Variants in SF3A1 observed in about 807,000 individuals in gnomAD.
SF3A1 encodes the protein SAP 114.
A neutral mutation model predicts 89.9 loss-of-function variants in SF3A1; 13 were observed. The observed-to-expected ratio is 0.14, with a 90% CI of 0.09 to 0.23. The LOEUF is 0.23. Among genes scored for constraint, SF3A1 ranks in the 10% least tolerant of loss-of-function variants. SF3A1 has a pLI of 1.00. For synonymous variants in SF3A1, 405 were observed against 374.4 expected, an observed-to-expected ratio of 1.08 and a Z score of -0.94; for missense variants, 604 against 1,022.1, an observed-to-expected ratio of 0.59 and a Z score of 5.58.
intron 2 of SF3A1, among the ~76,000 whole-genome samples, chr22:30,349,401 C>T (rs1367943258): frequency 6.6e-6 from 1 of 152,248 alleles, no homozygotes; most frequent in Non-Finnish European, 1.5e-5. Flanking sequence ...CTGCCTCAGC[C>T]TCCCAAGTAG....
chr22:30,347,798 ACACCAGTTTC>A (rs1931464312), intron 2 of SF3A1, among the ~76,000 whole-genome samples: 2 of 152,208 alleles, frequency 1.3e-5, no homozygotes, highest in Admixed American at 1.3e-4. Flanking sequence ...AATGCAGCTA[ACACCAGTTTC>A]CCTTTCTACC....
chr22:30,346,420 G>A lies in SF3A1; in HGVS notation c.285C>T (p.Arg95=), dbSNP rs1931422158. 1.2e-6 allele frequency: 2 copies of A among 1,613,992 alleles called. No individual in the cohort carries two copies. The highest frequency in any genetic ancestry group is 2.7e-5 in the African/African-American group (2 of 74,892). The change falls in exon 3 of 16, where the codon CGC becomes CGT. Residue 95 remains arginine, a synonymous_variant. Coordinates refer to ENST00000215793, the MANE Select transcript of SF3A1 (RefSeq NM_005877.6). The part of the protein sequence containing the change: ...NPNDPYHAYY[R]HKVSEFKEGK... The stretch of plus-strand genomic sequence containing the variant: ...CTTCCTTGAACTCGCTGACCTTGTG[G>A]CGGTAGTAGGCATGGTAAGGGTCAT...
Position 30,337,789 on chromosome 22 carries a change from G to T in SF3A1, c.1852C>A (p.Pro618Thr). ...LPPGSVIAPM[P>T]PIIHAPRINV... ...ATTCTGGGCGCGTGGATGATGGGCGGCATGGGGGCGATCACTGAGCCTGGG... is the reference window on the plus strand; with the variant it reads ...ATTCTGGGCGCGTGGATGATGGGCGTCATGGGGGCGATCACTGAGCCTGGG... The change falls in exon 12 of 16, where the codon CCG becomes ACG. Residue 618 changes from proline (P) to threonine (T), a missense_variant. Pro to Thr is a conservative substitution (Grantham distance 38). This residue lies in a region of SF3A1 where 85 missense variants were observed against 137.3 expected (regional missense o/e 0.62). Transcript: ENST00000215793. 1 of 1,598,386 alleles carries T rather than the reference G, an allele frequency of 6.3e-7. No homozygotes were observed. The highest frequency in any genetic ancestry group is 8.5e-7 in the Non-Finnish European group (1 of 1,173,446).
At chr22:30,336,418 C>T (rs1170738997) in intron 13 of SF3A1, among the ~76,000 whole-genome samples, 1 of 152,084 alleles carries the variant, frequency 6.6e-6, no homozygotes, top group East Asian at 1.9e-4. Context: ...CCAGCTACTC[C>T]GGAGGTTGAG....
At chr22:30,350,706 G>C (rs557773174) in intron 2 of SF3A1, among the ~76,000 whole-genome samples, 6 of 152,284 alleles carry the variant, frequency 3.9e-5, no homozygotes, top group African/African-American at 1.2e-4. Flanking sequence ...GAAGGAAACA[G>C]AAAAATGTGA....
At chr22:30,335,334 C>T (rs1931031665) in intron 15 of SF3A1, 133 bp downstream of exon 15, 2 of 795,488 alleles carry the variant, frequency 2.5e-6, no homozygotes, top group East Asian at 4.9e-5. Flanking sequence ...AGCATCATGA[C>T]TTCTAGGATG....
At chr22:30,346,289 GA>G (rs1282135121) in intron 3 of SF3A1, 22 bp downstream of exon 3, 1 of 1,498,892 alleles carries the variant, frequency 6.7e-7, no homozygotes, top group Non-Finnish European at 9.3e-7. Flanking sequence ...CTGCGTAAGT[GA>G]AGGGGGCACT....
rs1228667000 is a variant in SF3A1 at position 30,356,796 on chromosome 22, T to C, written c.-4A>G. 1 of 1,400,000 alleles carries C rather than the reference T, an allele frequency of 7.1e-7. No individual in the cohort carries two copies. The allele number at this position is 1,400,000 out of a possible 1,614,324, so 86.7% of individuals were successfully genotyped here. On this transcript the variant is annotated 5_prime_UTR_variant, in exon 1 of 16. Coordinates refer to ENST00000215793, the MANE Select transcript of SF3A1 (RefSeq NM_005877.6). Reference sequence around the variant, plus strand: ...CCTGCACGGGTCCGGCCGGCATGACTGCGACGCTCAGGGCTGCCAGTCCGC... The same window carrying C: ...CCTGCACGGGTCCGGCCGGCATGACCGCGACGCTCAGGGCTGCCAGTCCGC...
At position 30,337,696 on chromosome 22, in the gene SF3A1, G is replaced by T; in HGVS notation, c.1945C>A (p.Pro649Thr). 1 of 681,222 alleles carries T rather than the reference G, an allele frequency of 1.5e-6. No individual in the cohort carries two copies. Among genetic ancestry groups the T allele is most frequent in the Non-Finnish European group, 2.3e-6 (1 of 428,902 alleles). The allele number at this position is 681,222 out of a possible 1,614,324, so 42.2% of individuals were successfully genotyped here. The change falls in exon 12 of 16, where the codon CCA (proline) becomes ACA (threonine). Residue 649 changes from proline to threonine, a missense_variant. By Grantham distance (38) the Pro-to-Thr change is conservative (BLOSUM62 -1). Around this residue, in one of 9 missense-constraint regions of SF3A1, gnomAD observed 45 missense variants for 41.1 expected, o/e 1.09. Transcript: ENST00000215793. ...TGATGCAAGAGATACTGACCTGTTG[G>T]CACAATCATGGGGGGTGGGCGGGGG... ...MAPRPPPMIV[P>T]TAFVPAPPVA... is the part of the protein sequence containing the mutation.
chr22:30,349,398 A>T (rs1601699213), intron 2 of SF3A1, among the ~76,000 whole-genome samples: 3 of 152,206 alleles, frequency 2.0e-5, no homozygotes, highest in Admixed American at 2.0e-4. Flanking sequence ...CTTCTGCCTC[A>T]GCCTCCCAAG....
intron 7 of SF3A1, among the ~76,000 whole-genome samples, chr22:30,341,449 C>T (rs1931250637): frequency 6.6e-6 from 1 of 152,194 alleles, no homozygotes; most frequent in Non-Finnish European, 1.5e-5. Flanking sequence ...CTGTCCGGGC[C>T]AGGGAGGCGG....
chr22:30,337,054 G>T lies in SF3A1; in HGVS notation c.2078C>A (p.Pro693Gln). The T allele has an allele frequency of 6.2e-7, 1 of 1,614,178 alleles. No individual in the cohort carries two copies. Among genetic ancestry groups the T allele is most frequent in the Non-Finnish European group, 8.5e-7 (1 of 1,180,036 alleles). ...GTTTCTGCGCAGGAACTCCTCCTCTGGCATGAGGCTGTCCTCTGTCTTCAG... is the reference window on the plus strand; with the variant it reads ...GTTTCTGCGCAGGAACTCCTCCTCTTGCATGAGGCTGTCCTCTGTCTTCAG... ...KKLKTEDSLM[P>Q]EEEFLRRNKG... Residue 693 changes from proline (P) to glutamine (Q), a missense_variant, in exon 13 of 16, where the codon CCA becomes CAA. Around this residue, in one of 9 missense-constraint regions of SF3A1, gnomAD observed 74 missense variants for 141.3 expected, o/e 0.52. Transcript: ENST00000215793.
At position 30,342,821 on chromosome 22, in the gene SF3A1, C is replaced by T. The variant is rs777851529; in HGVS notation, c.710G>A (p.Arg237Gln). 16 of 1,611,218 alleles carry T rather than the reference C, an allele frequency of 9.9e-6. No individual in the cohort carries two copies. Among genetic ancestry groups the T allele is most frequent in the South Asian group, 3.3e-5 (3 of 91,002 alleles). The change falls in exon 5 of 16, where the codon CGA becomes CAA. Residue 237 changes from arginine (R) to glutamine (Q), a missense_variant. Physicochemically the swap from Arg to Gln is conservative, Grantham distance 43. Coordinates refer to ENST00000215793, the MANE Select transcript of SF3A1 (RefSeq NM_005877.6). The stretch of plus-strand genomic sequence containing the variant: ...TCAGTTTACCTGATCCAAAACTTCT[C>T]GGGGGTTTTCAGCCTCTTTCTTGAG... ...SKLKKEAENP[R>Q]EVLDQVCYRV...
intron 1 of SF3A1, among the ~76,000 whole-genome samples, chr22:30,354,966 T>G (rs1931724095): frequency 6.6e-6 from 1 of 152,162 alleles, no homozygotes; most frequent in African/African-American, 2.4e-5. Context: ...TCCCAGGTAT[T>G]TTTCCCAAGC....
rs758570403 is a variant in SF3A1 at position 30,356,717 on chromosome 22, G to A, written c.63+13C>T. The A allele has an allele frequency of 1.3e-6, 2 of 1,483,318 alleles. No individual in the cohort carries two copies. Among genetic ancestry groups the A allele is most frequent in the Non-Finnish European group, 1.8e-6 (2 of 1,112,132 alleles). 91.9% of individuals were successfully genotyped at this position (1,483,318 alleles called of 1,614,324 possible). ...ACCCTCCGGCTGCAGGCTGAGGGGC[G>A]GGGGAGAGGTACCTGTTTGGGCTCC... On this transcript the variant is annotated intron_variant, in intron 1 of 15. Coordinates refer to ENST00000215793, the MANE Select transcript of SF3A1 (RefSeq NM_005877.6).
intron 11 of SF3A1, 50 bp from the exon 12 acceptor site, chr22:30,337,947 A>C: frequency 7.4e-7 from 1 of 1,353,036 alleles, no homozygotes; most frequent in African/African-American, 1.4e-5. Context: ...GTTGGACTCC[A>C]AGGTCACACA....
intron 7 of SF3A1, 67 bp from the exon 8 acceptor site, chr22:30,340,879 C>G (rs1238285593): frequency 2.1e-6 from 2 of 939,150 alleles, no homozygotes; most frequent in Non-Finnish European, 3.4e-6. Flanking sequence ...CTGAGCCTGG[C>G]AGGTCTCTGG....
rs933220610 is a variant in SF3A1, at chr22:30,356,662, T to C, written c.63+68A>G. 5.5e-5 allele frequency: 68 copies of C among 1,244,418 alleles called. 1 individual carries two copies. The East Asian group carries it at 2.0e-3, about 37-fold the overall frequency. 77.1% of individuals were successfully genotyped at this position (1,244,418 alleles called of 1,614,324 possible). On this transcript the variant is annotated intron_variant, in intron 1 of 15. Transcript: ENST00000215793. ...GCCCTTCATAGCGGCCGGCCGCTTA[T>C]TCCTGTGCGAGTAAGGAGCGCCCAG...
chr22:30,346,247 C>T, intron 3 of SF3A1, 65 bp downstream of exon 3: 4 of 1,085,180 alleles, frequency 3.7e-6, no homozygotes, highest in Non-Finnish European at 5.6e-6. Flanking sequence ...TAATTGTGTA[C>T]TCCCTCCCTA....
Sources: allele counts gnomAD v4.1 joint callset (sites outside exome capture counted in the v4.1 genomes callset), GRCh38; gene constraint gnomAD v4.1.1; regional missense constraint gnomAD v4.1.1; transcripts MANE v1.5; gene names NCBI Gene and HGNC (gene_info 2026-07-23, HGNC 2026-07-21).